Variants in FCRL6 observed in about 807,000 individuals in gnomAD.
The protein encoded by FCRL6 is Fc receptor like 6, also known as Fc receptor-like protein 6.
In FCRL6, 50 loss-of-function variants were observed where a neutral mutation model predicts 49.1. That is an observed-to-expected ratio of 1.02 (90% confidence interval 0.81 to 1.29). The LOEUF is 1.29. FCRL6 is among the 50% of genes most tolerant of loss of function. The pLI is 0.00. For missense variants in FCRL6, 571 were observed against 518.5 expected (o/e 1.10, Z -0.98); for synonymous variants, 213 against 199.6 (o/e 1.07, Z -0.57).
At chr1:159,809,709 T>G in intron 5 of FCRL6, 26 bp downstream of exon 5, 2 of 1,605,172 alleles carry the variant, frequency 1.2e-6, no homozygotes, top group East Asian at 4.5e-5. Flanking sequence ...CAACAGAGCT[T>G]TGAGCCCCAG....
At chr1:159,813,411 T>C in intron 6 of FCRL6, 78 bp from the exon 7 acceptor site, 1 of 1,314,782 alleles carries the variant, frequency 7.6e-7, no homozygotes, top group Admixed American at 1.7e-5. Flanking sequence ...CTTGTCATTC[T>C]TGCTCACAGC....
intron 8 of FCRL6, 70 bp downstream of exon 8, chr1:159,814,362 T>C (rs894442200): frequency 9.0e-7 from 1 of 1,112,196 alleles, no homozygotes; most frequent in East Asian, 2.4e-5. Flanking sequence ...AGAGTATCAC[T>C]ACCACTGTCA....
chr1:159,809,868 T>C (rs1662987334), intron 5 of FCRL6, among the ~76,000 whole-genome samples, 185 bp downstream of exon 5: 1 of 152,028 alleles, frequency 6.6e-6, no homozygotes, highest in Non-Finnish European at 1.5e-5. Context: ...TTGAAGTCCA[T>C]GGAGAGTGGG....
Position 159,816,168 on chromosome 1 carries a change from G to A in FCRL6, c.*507G>A, listed in dbSNP as rs1236049754. 4.1e-5 allele frequency: 7 copies of A among 170,252 alleles called. No homozygotes were observed. The highest frequency in any genetic ancestry group is 9.5e-5 in the African/African-American group (4 of 42,304). The allele number at this position is 170,252 out of a possible 1,614,324, so 10.5% of individuals were successfully genotyped here. A position where few individuals can be genotyped will look rare whatever the true frequency, so the allele number is the denominator to read the frequency against. On this transcript the variant is annotated 3_prime_UTR_variant, in exon 10 of 10. Transcript: ENST00000368106. ...GCTGGTACAAACAAGCTACAGCGCC[G>A]CTAGTCATATACAAATATAGCACAT...
upstream of FCRL6, chr1:159,800,578 C>A: frequency 1.3e-6 from 2 of 1,549,374 alleles, no homozygotes; most frequent in East Asian, 4.9e-5. Flanking sequence ...GGAAAGAGAA[C>A]GATAGAGGAA....
At chr1:159,805,523 C>G (rs947184605) in intron 1 of FCRL6, among the ~76,000 whole-genome samples, 2 of 152,206 alleles carry the variant, frequency 1.3e-5, no homozygotes, top group Non-Finnish European at 2.9e-5. Context: ...TGCTTCATAT[C>G]CAGCTATGAC....
chr1:159,809,015 G>T lies in FCRL6; in HGVS notation c.374G>T (p.Gly125Val). The T allele has an allele frequency of 6.2e-7, 1 of 1,613,890 alleles. No individual in the cohort carries two copies. The highest frequency in any genetic ancestry group is 1.7e-5 in the Admixed American group (1 of 59,998). The change falls in exon 4 of 10, where the codon GGT (glycine) becomes GTT (valine). Residue 125 changes from glycine to valine, a missense_variant. Gly to Val is a moderately radical substitution (Grantham distance 109). Coordinates refer to ENST00000368106, the MANE Select transcript of FCRL6 (RefSeq NM_001004310.3). ...SAIPSPEPREGSLVTLRCQTK... is the reference protein window; with the variant it reads ...SAIPSPEPREVSLVTLRCQTK... Reference sequence around the variant, plus strand: ...ATCCCCTCTCCTGAGCCCCGAGAGGGTAGCCTGGTGACCCTGAGATGTCAG... The same window carrying T: ...ATCCCCTCTCCTGAGCCCCGAGAGGTTAGCCTGGTGACCCTGAGATGTCAG...
In FCRL6 at chr1:159,816,101, T is replaced by G; in HGVS notation, c.*440T>G. The G allele has an allele frequency of 5.3e-6, 1 of 188,232 alleles. No individual in the cohort carries two copies. Among genetic ancestry groups the G allele is most frequent in the Non-Finnish European group, 1.1e-5 (1 of 87,354 alleles). The allele number at this position is 188,232 out of a possible 1,614,324, so 11.7% of individuals were successfully genotyped here. A position where few individuals can be genotyped will look rare whatever the true frequency, so the allele number is the denominator to read the frequency against. Reference sequence around the variant, plus strand: ...CTGCCTAGTGATATCATAGTTGCCTTAACATCATAACACAACACATTTCTC... The same window carrying G: ...CTGCCTAGTGATATCATAGTTGCCTGAACATCATAACACAACACATTTCTC... On this transcript the variant is annotated 3_prime_UTR_variant, in exon 10 of 10. Coordinates refer to ENST00000368106, the MANE Select transcript of FCRL6 (RefSeq NM_001004310.3).
Position 159,809,454 on chromosome 1 carries a change from T to C in FCRL6, c.657T>C (p.Ala219=). 6.2e-7 allele frequency: 1 copy of C among 1,613,804 alleles called. No individual in the cohort carries two copies. Among genetic ancestry groups the C allele is most frequent in the Non-Finnish European group, 8.5e-7 (1 of 1,179,784 alleles). Reference sequence around the variant, plus strand: ...TGCACCACGGGCCTGCTGACCCTGCTGTGGGGGACATGGTGCAGCTCCTCT... The same window carrying C: ...TGCACCACGGGCCTGCTGACCCTGCCGTGGGGGACATGGTGCAGCTCCTCT... ...LTLHHGPADP[A]VGDMVQLLCE... Residue 219 remains alanine, a synonymous_variant, in exon 5 of 10, where the codon GCT becomes GCC. Transcript: ENST00000368106.
chr1:159,811,979 G>A (rs1330953190), intron 6 of FCRL6, among the ~76,000 whole-genome samples: 1 of 152,182 alleles, frequency 6.6e-6, no homozygotes, highest in Non-Finnish European at 1.5e-5. Context: ...CCCAGCCCCA[G>A]ACGAGATGGT....
In FCRL6 at chr1:159,815,578, A is replaced by C; in HGVS notation, c.1222A>C (p.Ser408Arg). 6.2e-7 allele frequency: 1 copy of C among 1,614,192 alleles called. No homozygotes were observed. The highest frequency in any genetic ancestry group is 1.1e-5 in the South Asian group (1 of 91,086). ...TGCGGAGGTGAGATGCCTGCAGCCC[A>C]GTGAGGTTTCATCCACGGAGGTGAA... ...ICAEVRCLQP[S>R]EVSSTEVNMR... The change falls in exon 10 of 10, where the codon AGT becomes CGT. Residue 408 changes from serine to arginine, a missense_variant. By Grantham distance (110) the Ser-to-Arg change is moderately radical (BLOSUM62 -1). Transcript: ENST00000368106.
At position 159,802,397 on chromosome 1, in the gene FCRL6, T is replaced by C. The variant is rs781304263; in HGVS notation, c.-28T>C. ...CGCCCTGACCTGTTTCTGACCTGTG[T>C]TCCCTCCGCTGTGCCAGAACAGGCC... On this transcript the variant is annotated 5_prime_UTR_variant, in exon 1 of 10. Coordinates refer to ENST00000368106, the MANE Select transcript of FCRL6 (RefSeq NM_001004310.3). The C allele has an allele frequency of 2.8e-4, 455 of 1,613,344 alleles. 1 individual carries two copies. Among genetic ancestry groups the C allele is most frequent in the Admixed American group, 4.8e-4 (29 of 59,964 alleles).
chr1:159,808,959 A>G lies in FCRL6; in HGVS notation c.320-2A>G. On this transcript the variant is annotated splice_acceptor_variant, in intron 3 of 9. Transcript: ENST00000368106. LOFTEE classifies it high-confidence loss of function. ...CTGAGTCCTGGGCCTGCATCTCCCC[A>G]GAGCTGTTTCCACCTCCTGTGCTGA... The G allele has an allele frequency of 2.5e-6, 4 of 1,600,048 alleles. No individual in the cohort carries two copies. The highest frequency in any genetic ancestry group is 3.4e-6 in the Non-Finnish European group (4 of 1,172,286).
chr1:159,808,055 A>G (rs1446357594), intron 2 of FCRL6, 123 bp from the exon 3 acceptor site: 10 of 1,054,014 alleles, frequency 9.5e-6, no homozygotes, highest in Non-Finnish European at 1.4e-5. Flanking sequence ...AGACAGTGAC[A>G]CCATACCAGT....
chr1:159,809,701 A>G lies in FCRL6; in HGVS notation c.886+18A>G, dbSNP rs1254267792. ...TCTGAAGGGTGTGTTTTGTTCTCCAACAGAGCTTTGAGCCCCAGCAAGCTG... is the reference window on the plus strand; with the variant it reads ...TCTGAAGGGTGTGTTTTGTTCTCCAGCAGAGCTTTGAGCCCCAGCAAGCTG... On this transcript the variant is annotated intron_variant, in intron 5 of 9. Coordinates refer to ENST00000368106, the MANE Select transcript of FCRL6 (RefSeq NM_001004310.3). 6.2e-7 allele frequency: 1 copy of G among 1,610,038 alleles called. No homozygotes were observed. The highest frequency in any genetic ancestry group is 1.7e-5 in the Admixed American group (1 of 59,954).
intron 3 of FCRL6, 129 bp downstream of exon 3, chr1:159,808,573 C>T (rs111529495): frequency 1.1e-4 from 121 of 1,115,188 alleles, no homozygotes; most frequent in Non-Finnish European, 1.6e-4. Context: ...ATGTGTGGGG[C>T]CCCGAGGTTT....
At position 159,802,394 on chromosome 1, in the gene FCRL6, G is replaced by T; in HGVS notation, c.-31G>T. 1 of 1,613,456 alleles carries T rather than the reference G, an allele frequency of 6.2e-7. No homozygotes were observed. The highest frequency in any genetic ancestry group is 8.5e-7 in the Non-Finnish European group (1 of 1,179,716). On this transcript the variant is annotated 5_prime_UTR_variant, in exon 1 of 10. Coordinates refer to ENST00000368106, the MANE Select transcript of FCRL6 (RefSeq NM_001004310.3). ...CTTCGCCCTGACCTGTTTCTGACCT[G>T]TGTTCCCTCCGCTGTGCCAGAACAG...
At chr1:159,808,109 G>A (rs1052427646) in intron 2 of FCRL6, 69 bp from the exon 3 acceptor site, 19 of 1,542,744 alleles carry the variant, frequency 1.2e-5, no homozygotes, top group South Asian at 1.0e-4. Context: ...CTTAGGCTGG[G>A]GGACAGAGGG....
At chr1:159,806,837 G>A (rs1662724086) in intron 2 of FCRL6, among the ~76,000 whole-genome samples, 1 of 152,196 alleles carries the variant, frequency 6.6e-6, no homozygotes, top group Non-Finnish European at 1.5e-5. Flanking sequence ...ACAAGCCTCA[G>A]CAGTGGGACT....
Sources: allele counts gnomAD v4.1 joint callset (sites outside exome capture counted in the v4.1 genomes callset), GRCh38; gene constraint gnomAD v4.1.1; transcripts MANE v1.5; gene names NCBI Gene and HGNC (gene_info 2026-07-23, HGNC 2026-07-21).